The following SSBP2 variants were observed in gnomAD, a reference collection of about 807,000 sequenced individuals.
SSBP2 encodes the protein single-stranded DNA-binding protein 2.
Under a neutral mutation model 61.8 loss-of-function variants are expected in SSBP2, and 17 were observed. The observed-to-expected ratio is 0.28, with a 90% CI of 0.19 to 0.41. The LOEUF (loss-of-function observed/expected upper bound fraction) is 0.41, where lower values mean the gene tolerates loss of function less well. Among genes scored for constraint, SSBP2 ranks in the 10% least tolerant of loss-of-function variants. The pLI is 1.00. For missense variants in SSBP2, 310 were observed against 458.7 expected (o/e 0.68, Z 2.96); for synonymous variants, 139 against 141.3 (o/e 0.98, Z 0.12).
chr5:81,676,160 G>C (rs1442920915), intron 1 of SSBP2, among the ~76,000 whole-genome samples: 1 of 152,108 alleles, frequency 6.6e-6, no homozygotes, highest in Non-Finnish European at 1.5e-5. Context: ...AAACCTGACA[G>C]TTACGCTCAA....
chr5:81,698,718 G>A (rs1753758596), intron 1 of SSBP2, among the ~76,000 whole-genome samples: 1 of 152,176 alleles, frequency 6.6e-6, no homozygotes. Flanking sequence ...TGAGGCAGGA[G>A]AATTGCTTGA....
chr5:81,500,697 G>C (rs905821678), intron 5 of SSBP2, among the ~76,000 whole-genome samples: 1 of 151,956 alleles, frequency 6.6e-6, no homozygotes, highest in Non-Finnish European at 1.5e-5. Flanking sequence ...TTGACCTTGT[G>C]ATCTGCCTGC....
At chr5:81,559,821 TA>T (rs540791739) in intron 4 of SSBP2, among the ~76,000 whole-genome samples, 1 of 151,840 alleles carries the variant, frequency 6.6e-6, no homozygotes, top group African/African-American at 2.4e-5. Context: ...TCAAAAAAAC[TA>T]AAAAAACAGT....
chr5:81,646,207 G>A (rs1029802808), intron 2 of SSBP2, among the ~76,000 whole-genome samples: 1 of 152,138 alleles, frequency 6.6e-6, no homozygotes, highest in African/African-American at 2.4e-5. Flanking sequence ...ATTCAGAAGA[G>A]CTCATTAACA....
intron 1 of SSBP2, among the ~76,000 whole-genome samples, chr5:81,706,737 C>T (rs1408013173): frequency 6.6e-6 from 1 of 152,164 alleles, no homozygotes; most frequent in East Asian, 1.9e-4. Context: ...ACTGTTCAGG[C>T]AATCTTCTTA....
intron 4 of SSBP2, among the ~76,000 whole-genome samples, chr5:81,551,094 T>G (rs147784035): frequency 0.035 from 3,071 of 88,446 alleles, 114 homozygotes; most frequent in African/African-American, 0.18. Context: ...AGACTCCATC[T>G]CGAAAAAAAA....
intron 8 of SSBP2, among the ~76,000 whole-genome samples, chr5:81,467,433 T>C (rs138397573): frequency 1.2e-3 from 181 of 151,978 alleles, no homozygotes; most frequent in African/African-American, 4.2e-3. Flanking sequence ...CCCAGCACAA[T>C]GACATAAAGT....
At chr5:81,590,586 G>A (rs1431409134) in intron 4 of SSBP2, among the ~76,000 whole-genome samples, 1 of 152,150 alleles carries the variant, frequency 6.6e-6, no homozygotes, top group Non-Finnish European at 1.5e-5. Flanking sequence ...AGAAATGCAG[G>A]GGGAATGCTC....
At chr5:81,469,061 C>T (rs1765076197) in intron 8 of SSBP2, among the ~76,000 whole-genome samples, 1 of 151,856 alleles carries the variant, frequency 6.6e-6, no homozygotes, top group Admixed American at 6.6e-5. Context: ...TTTATTTCCC[C>T]TCATTTTTGA....
intron 1 of SSBP2, among the ~76,000 whole-genome samples, chr5:81,693,202 T>TAAAAAAAAAAAAAAAA (rs34403567): frequency 8.6e-6 from 1 of 116,130 alleles, no homozygotes. Flanking sequence ...GACTTTGTCT[T>TAAAAAAAAAAAAAAAA]AAAAAAAAAA....
In SSBP2 at chr5:81,473,908, G is replaced by C. The variant is rs1765419860; in HGVS notation, c.500-138C>G. 9.3e-6 allele frequency: 7 copies of C among 748,988 alleles called. No individual in the cohort carries two copies. In the South Asian group the frequency reaches 1.2e-4, roughly 12 times the overall value. 46.4% of individuals were successfully genotyped at this position (748,988 alleles called of 1,614,324 possible). On this transcript the variant is annotated intron_variant, in intron 7 of 16. Transcript: ENST00000320672. ...TGACACCATCTTACCTTGGCTTCCA[G>C]ACCACTTTTCCACCTCTTACCACTA... is the stretch of plus-strand genomic sequence containing the variant.
chr5:81,519,746 G>A (rs1769316330), intron 4 of SSBP2, among the ~76,000 whole-genome samples: 1 of 152,098 alleles, frequency 6.6e-6, no homozygotes, highest in Non-Finnish European at 1.5e-5. Context: ...AGCAGAGTCT[G>A]CCCGCCTGCC....
At chr5:81,468,715 T>G (rs1395449597) in intron 8 of SSBP2, among the ~76,000 whole-genome samples, 1 of 152,002 alleles carries the variant, frequency 6.6e-6, no homozygotes, top group Non-Finnish European at 1.5e-5. Context: ...GTCTGTTGAC[T>G]CCAGAGTGTA....
chr5:81,698,499 G>A (rs1446366857), intron 1 of SSBP2, among the ~76,000 whole-genome samples: 1 of 152,124 alleles, frequency 6.6e-6, no homozygotes, highest in Non-Finnish European at 1.5e-5. Context: ...GAGATGGGTG[G>A]AAAAGCAGCA....
intron 1 of SSBP2, among the ~76,000 whole-genome samples, chr5:81,742,791 G>A (rs750227368): frequency 9.9e-5 from 15 of 152,062 alleles, no homozygotes; most frequent in African/African-American, 1.7e-4. Flanking sequence ...CAGGAGAATC[G>A]CTTGAACCTG....
chr5:81,553,519 A>G (rs1350771973), intron 4 of SSBP2, among the ~76,000 whole-genome samples: 1 of 152,214 alleles, frequency 6.6e-6, no homozygotes, highest in Non-Finnish European at 1.5e-5. Flanking sequence ...AAAGTTATAG[A>G]AATGGCTAGC....
intron 5 of SSBP2, among the ~76,000 whole-genome samples, chr5:81,491,391 G>T (rs1255822653): frequency 6.6e-6 from 1 of 152,212 alleles, no homozygotes. Context: ...TGAAACAGAA[G>T]AACACTTGAG....
intron 1 of SSBP2, among the ~76,000 whole-genome samples, chr5:81,684,864 T>C (rs1460693651): frequency 1.3e-5 from 2 of 152,012 alleles, no homozygotes; most frequent in African/African-American, 4.8e-5. Context: ...AAGGGATAAT[T>C]GTATTTAGCA....
intron 1 of SSBP2, among the ~76,000 whole-genome samples, chr5:81,673,879 G>C (rs1015371496): frequency 6.6e-6 from 1 of 152,154 alleles, no homozygotes; most frequent in Non-Finnish European, 1.5e-5. Flanking sequence ...GTTACAGACT[G>C]AGAAATGAAC....
Sources: allele counts gnomAD v4.1 joint callset (sites outside exome capture counted in the v4.1 genomes callset), GRCh38; gene constraint gnomAD v4.1.1; transcripts MANE v1.5; gene names NCBI Gene and HGNC (gene_info 2026-07-23, HGNC 2026-07-21).